Variants in WWP2 observed in about 807,000 individuals in gnomAD.
WWP2 encodes the protein NEDD4-like E3 ubiquitin-protein ligase WWP2.
WWP2 carries 57 observed loss-of-function variants against 121.0 expected under a neutral mutation model. The observed-to-expected ratio is 0.47, with a 90% CI of 0.38 to 0.59. The LOEUF (loss-of-function observed/expected upper bound fraction) is 0.59. WWP2 is among the 20% of genes least tolerant of loss of function. WWP2 has a pLI of 0.00. For synonymous variants in WWP2, 449 were observed against 441.3 expected (o/e 1.02, Z -0.22); for missense variants, 962 against 1,158.9 (o/e 0.83, Z 2.47).
chr16:69,857,106 T>C (rs886728253), intron 6 of WWP2, among the ~76,000 whole-genome samples: 2 of 152,066 alleles, frequency 1.3e-5, no homozygotes, highest in Admixed American at 6.6e-5. Flanking sequence ...AACTTTCCAC[T>C]TTTTTTACTT....
rs1191416755 is a variant in WWP2 at position 69,935,363 on chromosome 16, C to T, written c.1843-490C>T. 6.6e-6 allele frequency among the ~76,000 whole-genome samples: 1 copy of T among 152,222 alleles called. No individual in the cohort carries two copies. Among genetic ancestry groups the T allele is most frequent in the African/African-American group, 2.4e-5 (1 of 41,456 alleles). On this transcript the variant is annotated intron_variant, in intron 17 of 23. Transcript: ENST00000359154. This position sits in a 1 kb window ranked among gnomAD's most constrained non-coding sequence, Gnocchi z 5.2. ...GAGACCCGCCTGGCCCAGCAGCCAG[C>T]AGGACAGACCGGTAAAACCCTAGAC...
At chr16:69,865,261 GC>G (rs896528928) in intron 6 of WWP2, among the ~76,000 whole-genome samples, 7 of 151,620 alleles carry the variant, frequency 4.6e-5, no homozygotes, top group African/African-American at 1.7e-4. Flanking sequence ...TGTTGCCCAG[GC>G]TGGTCTCGAA....
intron 4 of WWP2, among the ~76,000 whole-genome samples, chr16:69,805,240 A>C (rs887566709): frequency 3.9e-5 from 6 of 151,920 alleles, no homozygotes; most frequent in Admixed American, 2.6e-4. Context: ...TTCATCATTA[A>C]GGCCAGGCTG....
intron 4 of WWP2, among the ~76,000 whole-genome samples, chr16:69,831,807 G>T (rs1473724487): frequency 6.6e-6 from 1 of 150,602 alleles, no homozygotes; most frequent in Non-Finnish European, 1.5e-5. Context: ...TAGGCATGCT[G>T]GCATGGAAAA....
chr16:69,930,686 G>A (rs2058697916), intron 13 of WWP2, among the ~76,000 whole-genome samples: 1 of 152,104 alleles, frequency 6.6e-6, no homozygotes, highest in African/African-American at 2.4e-5. Flanking sequence ...GTGACAGAGT[G>A]AGTCCCTGTT....
intron 1 of WWP2, among the ~76,000 whole-genome samples, chr16:69,781,224 A>G (rs974276951): frequency 6.6e-6 from 1 of 150,974 alleles, no homozygotes; most frequent in Non-Finnish European, 1.5e-5. Context: ...TCACAGCATG[A>G]TGAGGGTGGG....
Position 69,937,331 on chromosome 16 carries a change from G to A in WWP2, c.2238+93G>A, listed in dbSNP as rs912896238. On this transcript the variant is annotated intron_variant, in intron 20 of 23. Transcript: ENST00000359154. The surrounding 1 kb of genome is among the most constrained non-coding windows in gnomAD (Gnocchi z 6.6). Reference sequence around the variant, plus strand: ...CACTGTGTACCCACAGACACTCAGCGTAAAACTCCCACTTCGGCAGGGCAG... The same window carrying A: ...CACTGTGTACCCACAGACACTCAGCATAAAACTCCCACTTCGGCAGGGCAG... The A allele has an allele frequency of 1.4e-5, 21 of 1,553,042 alleles. No individual in the cohort carries two copies. The African/African-American group carries it at 1.6e-4, about 12-fold the overall frequency.
chr16:69,785,838 G>C (rs1388969301), intron 1 of WWP2, among the ~76,000 whole-genome samples: 1 of 151,876 alleles, frequency 6.6e-6, no homozygotes, highest in Non-Finnish European at 1.5e-5. Context: ...TTATGGCCAG[G>C]CTGGTCTTGA....
chr16:69,875,021 C>CAAA (rs11449005), intron 7 of WWP2, among the ~76,000 whole-genome samples: 4 of 147,816 alleles, frequency 2.7e-5, no homozygotes, highest in Middle Eastern at 3.5e-3. Context: ...GACCTTGTGT[C>CAAA]AAAAAAAAAA....
intron 4 of WWP2, among the ~76,000 whole-genome samples, chr16:69,816,101 C>T (rs988303227): frequency 2.0e-5 from 3 of 152,126 alleles, no homozygotes; most frequent in African/African-American, 7.2e-5. Flanking sequence ...ACTGCTAACC[C>T]AGTCCTGCAT....
At chr16:69,910,993 G>T (rs944269954) in intron 9 of WWP2, among the ~76,000 whole-genome samples, 14 of 152,198 alleles carry the variant, frequency 9.2e-5, no homozygotes, top group African/African-American at 3.4e-4. Flanking sequence ...TCTCATTTCT[G>T]CTCTGTAATC....
chr16:69,842,216 C>A, intron 6 of WWP2, 96 bp downstream of exon 6: 1 of 1,206,248 alleles, frequency 8.3e-7, no homozygotes, highest in Non-Finnish European at 1.2e-6. Flanking sequence ...ATGGTAGAAA[C>A]TGTTGGAGAT....
chr16:69,869,139 C>A lies in WWP2; in HGVS notation c.576-2665C>A, dbSNP rs533822457. The stretch of plus-strand genomic sequence containing the variant: ...CTGACCTCAGGTGATCCACCTGCCT[C>A]AGCCTCCCAAAGTGCTGGGATTACA... On this transcript the variant is annotated intron_variant, in intron 6 of 23. Transcript: ENST00000359154. Among the ~76,000 whole-genome samples the A allele has an allele frequency of 2.4e-3, 360 of 152,238 alleles. 1 individual carries two copies. The highest frequency in any genetic ancestry group is 4.1e-3 in the Non-Finnish European group (278 of 68,008).
intron 2 of WWP2, among the ~76,000 whole-genome samples, chr16:69,796,421 A>G (rs1385896739): frequency 6.6e-6 from 1 of 152,206 alleles, no homozygotes; most frequent in Admixed American, 6.5e-5. Context: ...TCCCGCAGCT[A>G]GGCAAGATCA....
chr16:69,862,393 C>T (rs1567388066), intron 6 of WWP2, among the ~76,000 whole-genome samples: 6 of 151,868 alleles, frequency 4.0e-5, no homozygotes, highest in Admixed American at 3.3e-4. Context: ...GATGGAGTCT[C>T]GCTGTGTCAC....
chr16:69,765,851 C>CG (rs544070463), intron 1 of WWP2, among the ~76,000 whole-genome samples: 49 of 152,020 alleles, frequency 3.2e-4, no homozygotes, highest in African/African-American at 1.2e-3. Flanking sequence ...GAGTTGGGGG[C>CG]GGGGGTTCTC....
intron 14 of WWP2, 107 bp downstream of exon 14, chr16:69,931,334 C>T (rs8051533): frequency 6.6e-6 from 10 of 1,506,338 alleles, no homozygotes; most frequent in Admixed American, 3.6e-5. Context: ...CTTAGGCGGG[C>T]GCAAGACACT....
intron 4 of WWP2, among the ~76,000 whole-genome samples, chr16:69,801,824 G>A (rs1410370948): frequency 6.6e-6 from 1 of 151,924 alleles, no homozygotes; most frequent in Admixed American, 6.6e-5. Flanking sequence ...GACGTATATT[G>A]ATGTTTATGA....
At chr16:69,931,780 G>A in intron 15 of WWP2, 22 bp from the exon 16 acceptor site, 3 of 1,612,832 alleles carry the variant, frequency 1.9e-6, no homozygotes, top group Non-Finnish European at 2.5e-6. Flanking sequence ...TGGCAGGCTG[G>A]CCCGATGCTC....
Sources: gnomAD v4.1 joint callset for allele counts (sites outside exome capture counted in the v4.1 genomes callset) on GRCh38, gnomAD v4.1.1 for gene constraint, Gnocchi (gnomAD v3.1) non-coding constraint, MANE v1.5 for transcripts, NCBI Gene and HGNC (gene_info 2026-07-23, HGNC 2026-07-21) for gene names.